The following SGCZ variants were observed in gnomAD, a reference collection of about 807,000 sequenced individuals.
SGCZ encodes the protein zeta-sarcoglycan.
In SGCZ, 40 loss-of-function variants were observed where a neutral mutation model predicts 41.3. That is an observed-to-expected ratio of 0.97 (90% CI 0.75 to 1.26). The LOEUF (loss-of-function observed/expected upper bound fraction) is 1.26, where lower values mean the gene tolerates loss of function less well. SGCZ is among the 50% of genes most tolerant of loss of function. The pLI, the probability that SGCZ is intolerant of heterozygous loss-of-function variation, is 0.00. For missense variants in SGCZ, 552 were observed against 369.8 expected, an observed-to-expected ratio of 1.49 and a Z score of -4.04; for synonymous variants, 206 against 137.5, an observed-to-expected ratio of 1.50 and a Z score of -3.49.
chr8:14,399,998 T>C (rs952543063), intron 2 of SGCZ, among the ~76,000 whole-genome samples: 15 of 152,094 alleles, frequency 9.9e-5, no homozygotes, highest in Non-Finnish European at 2.1e-4. Context: ...GTTCCCATTT[T>C]CCTCCCCCGT....
At chr8:14,894,483 A>G (rs995824869) in intron 1 of SGCZ, among the ~76,000 whole-genome samples, 7 of 152,206 alleles carry the variant, frequency 4.6e-5, no homozygotes, top group African/African-American at 1.7e-4. Context: ...CTCTAGACAG[A>G]AATGGACAAG....
At chr8:14,627,838 C>G (rs1806514317) in intron 1 of SGCZ, among the ~76,000 whole-genome samples, 1 of 151,978 alleles carries the variant, frequency 6.6e-6, no homozygotes, top group African/African-American at 2.4e-5. Context: ...TGACGTTAAC[C>G]TGGATGTCTA....
chr8:14,290,742 A>C (rs866240516), intron 3 of SGCZ, among the ~76,000 whole-genome samples: 1 of 10,460 alleles, frequency 9.6e-5, no homozygotes, highest in Non-Finnish European at 3.4e-4. Flanking sequence ...GTGGGAATGT[A>C]AATGTAAATT....
chr8:14,118,266 G>C lies in SGCZ; in HGVS notation c.548-10031C>G, dbSNP rs368543297. 3.9e-5 allele frequency among the ~76,000 whole-genome samples: 6 copies of C among 151,902 alleles called. No individual in the cohort carries two copies. In the South Asian group the frequency reaches 6.2e-4, roughly 16 times the overall value. ...ATCTGTTGTTTCCTGACTTTTTAAT[G>C]ATCGCCATTCTAACTGGATTGAGGT... On this transcript the variant is annotated intron_variant, in intron 5 of 7. Coordinates refer to ENST00000382080, the MANE Select transcript of SGCZ (RefSeq NM_139167.4).
At chr8:15,020,747 T>C (rs1229403799) in intron 1 of SGCZ, among the ~76,000 whole-genome samples, 3 of 152,228 alleles carry the variant, frequency 2.0e-5, no homozygotes, top group Non-Finnish European at 2.9e-5. Context: ...TTAGCGAATA[T>C]GTCTTAATAT....
chr8:15,108,790 T>C (rs1019627389), intron 1 of SGCZ, among the ~76,000 whole-genome samples: 2 of 152,186 alleles, frequency 1.3e-5, no homozygotes, highest in African/African-American at 4.8e-5. Context: ...AATACGTCTA[T>C]GCTGTGTGGT....
At chr8:14,203,167 A>G (rs1375186703) in intron 4 of SGCZ, among the ~76,000 whole-genome samples, 1 of 152,148 alleles carries the variant, frequency 6.6e-6, no homozygotes, top group Non-Finnish European at 1.5e-5. Flanking sequence ...CCAGTCCCAG[A>G]TATGTTTTTA....
chr8:14,582,054 ATG>A (rs1804908262), intron 1 of SGCZ, among the ~76,000 whole-genome samples: 2 of 152,126 alleles, frequency 1.3e-5, no homozygotes, highest in East Asian at 3.9e-4. Context: ...CAACGTGATG[ATG>A]AGCATGAAGA....
At chr8:14,347,976 C>T (rs571506684) in intron 2 of SGCZ, among the ~76,000 whole-genome samples, 2 of 152,112 alleles carry the variant, frequency 1.3e-5, no homozygotes, top group Admixed American at 6.6e-5. Context: ...CTCTTCCTTT[C>T]CCACCAGACA....
intron 3 of SGCZ, among the ~76,000 whole-genome samples, chr8:14,242,208 G>C (rs1196797984): frequency 1.3e-5 from 2 of 152,198 alleles, no homozygotes; most frequent in Non-Finnish European, 2.9e-5. Context: ...TAAGGATTTA[G>C]CTTCAGATGC....
At chr8:15,159,107 G>A (rs1220659086) in intron 1 of SGCZ, among the ~76,000 whole-genome samples, 1 of 152,104 alleles carries the variant, frequency 6.6e-6, no homozygotes, top group Non-Finnish European at 1.5e-5. Context: ...GGGGGCCTAA[G>A]GTCAAGTTGA....
chr8:15,176,453 T>C (rs1247328859), intron 1 of SGCZ, among the ~76,000 whole-genome samples: 1 of 152,224 alleles, frequency 6.6e-6, no homozygotes, highest in Non-Finnish European at 1.5e-5. Flanking sequence ...AGACTTTCTA[T>C]GTTTAGAAAG....
At chr8:15,119,566 C>CTTTTTTTTTTTTTTTTTTTTTTTTTTTTT (rs1554460208) in intron 1 of SGCZ, among the ~76,000 whole-genome samples, 78 of 150,308 alleles carry the variant, frequency 5.2e-4, no homozygotes, top group African/African-American at 1.9e-3. Flanking sequence ...TCCTAATTTT[C>CTTTTTTTTTTTTTTTTTTTTTTTTTTTTT]TATTATAACA....
intron 5 of SGCZ, among the ~76,000 whole-genome samples, chr8:14,150,818 T>C (rs993110322): frequency 6.6e-6 from 1 of 152,164 alleles, no homozygotes. Context: ...GTGGTCCATA[T>C]ACATAATGGA....
chr8:14,850,404 A>T (rs1168241678), intron 1 of SGCZ, among the ~76,000 whole-genome samples: 1 of 152,188 alleles, frequency 6.6e-6, no homozygotes, highest in Non-Finnish European at 1.5e-5. Flanking sequence ...GTAACTAGAA[A>T]GACAGAAGAT....
intron 2 of SGCZ, among the ~76,000 whole-genome samples, chr8:14,329,166 C>T (rs977179547): frequency 2.0e-4 from 30 of 152,252 alleles, no homozygotes; most frequent in African/African-American, 6.7e-4. Flanking sequence ...AGTATAGTGT[C>T]ATTTTAGAAG....
chr8:14,192,198 G>A (rs990483941), intron 4 of SGCZ, among the ~76,000 whole-genome samples: 2 of 151,812 alleles, frequency 1.3e-5, no homozygotes, highest in African/African-American at 4.8e-5. Flanking sequence ...ACAGAAAATA[G>A]GTAATTGTAT....
intron 2 of SGCZ, among the ~76,000 whole-genome samples, chr8:14,541,386 A>T (rs1168344621): frequency 6.6e-6 from 1 of 151,984 alleles, no homozygotes; most frequent in Non-Finnish European, 1.5e-5. Flanking sequence ...GAGTGAGAAC[A>T]TGAGGGGTTT....
intron 6 of SGCZ, among the ~76,000 whole-genome samples, chr8:14,105,242 A>C (rs1370457073): frequency 6.6e-6 from 1 of 152,158 alleles, no homozygotes; most frequent in Non-Finnish European, 1.5e-5. Context: ...CTTGAGAAAT[A>C]CTAGACACTC....
Sources: gnomAD v4.1 joint callset for allele counts (sites outside exome capture counted in the v4.1 genomes callset) on GRCh38, gnomAD v4.1.1 for gene constraint, MANE v1.5 for transcripts, NCBI Gene and HGNC (gene_info 2026-07-23, HGNC 2026-07-21) for gene names.